Variants in SLC5A4 observed in about 807,000 individuals in gnomAD.
SLC5A4 encodes solute carrier family 5 member 4.
SLC5A4 carries 55 observed loss-of-function variants against 70.3 expected under a neutral mutation model. The observed-to-expected ratio is 0.78, with a 90% CI of 0.63 to 0.98. The LOEUF is 0.98. Ranked by LOEUF, SLC5A4 falls within the 50% of genes least tolerant of loss-of-function variation. SLC5A4 has a pLI of 0.00. For synonymous variants in SLC5A4, 268 were observed against 305.7 expected (o/e 0.88, Z 1.29); for missense variants, 735 against 839.2 (o/e 0.88, Z 1.53).
At chr22:32,242,353 A>T (rs1368811699) in intron 5 of SLC5A4, among the ~76,000 whole-genome samples, 2 of 152,206 alleles carry the variant, frequency 1.3e-5, no homozygotes, top group African/African-American at 4.8e-5. Flanking sequence ...TGATGGGATC[A>T]TGCCCCATCC....
At chr22:32,298,842 C>T in the SLC5A4 span, among the ~76,000 whole-genome samples, 2 of 113,442 alleles carry the variant, frequency 1.8e-5, no homozygotes, top group Non-Finnish European at 3.7e-5. Context: ...TCTTGTAAGG[C>T]AGGCCTGGTG....
chr22:32,291,693 C>G, the SLC5A4 span, among the ~76,000 whole-genome samples: 2 of 151,726 alleles, frequency 1.3e-5, no homozygotes, highest in Admixed American at 6.6e-5. Flanking sequence ...TCTGAATCAC[C>G]TAAGTTTTAA....
At chr22:32,269,315 T>A in the SLC5A4 span, 31 of 298,176 alleles carry the variant, frequency 1.0e-4, 1 homozygote, top group Admixed American at 1.3e-3. The surrounding 1 kb of genome is among the most constrained non-coding windows in gnomAD (Gnocchi z 4.1). Context: ...TTATATTAAA[T>A]CACCTGGAGA....
intron 3 of SLC5A4, among the ~76,000 whole-genome samples, chr22:32,250,190 G>GGCAGAATGGGACC (rs1216682641): frequency 1.3e-5 from 2 of 152,168 alleles, no homozygotes; most frequent in Non-Finnish European, 2.9e-5. Context: ...GAATGGGCCA[G>GGCAGAATGGGACC]GCAGAATGGG....
chr22:32,248,691 T>G, intron 4 of SLC5A4, 52 bp downstream of exon 4: 1 of 1,203,668 alleles, frequency 8.3e-7, no homozygotes, highest in Admixed American at 1.7e-5. Context: ...TTCTGTGCAG[T>G]GAGCAGCAGT....
the SLC5A4 span, among the ~76,000 whole-genome samples, chr22:32,347,285 A>G: frequency 3.8e-4 from 57 of 151,922 alleles, no homozygotes; most frequent in African/African-American, 1.3e-3. Flanking sequence ...ACCATTGTGG[A>G]AGTCAGTGTG....
chr22:32,318,986 G>T, the SLC5A4 span, among the ~76,000 whole-genome samples: 1 of 152,234 alleles, frequency 6.6e-6, no homozygotes, highest in East Asian at 1.9e-4. Flanking sequence ...TGACCTGGCA[G>T]ATGGAGGAAA....
At chr22:32,283,550 C>T in the SLC5A4 span, among the ~76,000 whole-genome samples, 1 of 152,176 alleles carries the variant, frequency 6.6e-6, no homozygotes, top group Admixed American at 6.5e-5. Flanking sequence ...TATAGTTCCA[C>T]CAAGGCCAAT....
chr22:32,275,670 A>G, the SLC5A4 span, among the ~76,000 whole-genome samples: 1 of 152,216 alleles, frequency 6.6e-6, no homozygotes, highest in African/African-American at 2.4e-5. Context: ...TAGTGCTGCA[A>G]TAAACATACA....
At chr22:32,297,960 G>A in the SLC5A4 span, among the ~76,000 whole-genome samples, 1 of 103,216 alleles carries the variant, frequency 9.7e-6, no homozygotes, top group Non-Finnish European at 2.0e-5. Flanking sequence ...GTAGTTGAGC[G>A]GTTTTGAGTG....
the SLC5A4 span, among the ~76,000 whole-genome samples, chr22:32,324,588 G>A: frequency 2.2e-4 from 33 of 152,188 alleles, no homozygotes; most frequent in Admixed American, 1.4e-3. Context: ...CCCCTTCAGC[G>A]CAGCTTGTCT....
the SLC5A4 span, among the ~76,000 whole-genome samples, chr22:32,304,357 T>G: frequency 3.9e-5 from 6 of 152,116 alleles, no homozygotes; most frequent in Admixed American, 2.6e-4. Context: ...GTCAGACTGG[T>G]CTCGAACTCC....
the SLC5A4 span, among the ~76,000 whole-genome samples, chr22:32,352,839 G>A: frequency 2.0e-5 from 3 of 152,178 alleles, no homozygotes; most frequent in South Asian, 2.1e-4. Flanking sequence ...CCATCCTACC[G>A]CTCTGGTGCT....
chr22:32,346,443 G>C, the SLC5A4 span, among the ~76,000 whole-genome samples: 1 of 151,906 alleles, frequency 6.6e-6, no homozygotes. Flanking sequence ...CACGCTACCT[G>C]ACTTCAAACT....
chr22:32,274,309 G>A, the SLC5A4 span, among the ~76,000 whole-genome samples: 12 of 151,972 alleles, frequency 7.9e-5, no homozygotes, highest in Non-Finnish European at 1.8e-4. Flanking sequence ...TAAAGTGCTG[G>A]GATTATAGGC....
chr22:32,246,927 G>C (rs188884652), intron 5 of SLC5A4, among the ~76,000 whole-genome samples: 2 of 152,280 alleles, frequency 1.3e-5, no homozygotes, highest in Admixed American at 1.3e-4. Context: ...CTTAGATAGA[G>C]TGAACTTAAG....
chr22:32,226,948 G>T (rs923794150), intron 11 of SLC5A4, among the ~76,000 whole-genome samples: 1 of 151,866 alleles, frequency 6.6e-6, no homozygotes, highest in African/African-American at 2.4e-5. Context: ...AGCACCATGG[G>T]GCTCACTCCC....
upstream of SLC5A4, chr22:32,255,422 T>A: frequency 7.2e-7 from 1 of 1,397,932 alleles, no homozygotes; most frequent in Non-Finnish European, 1.0e-6. Context: ...GGGCGAGATA[T>A]CAGAGCCAGC....
At chr22:32,268,994 C>G in the SLC5A4 span, among the ~76,000 whole-genome samples, 1 of 152,050 alleles carries the variant, frequency 6.6e-6, no homozygotes, top group East Asian at 1.9e-4. Flanking sequence ...CTTCTGGGTT[C>G]AAGCGATTCT....
Sources: gnomAD v4.1 joint callset for allele counts (sites outside exome capture counted in the v4.1 genomes callset) on GRCh38, gnomAD v4.1.1 for gene constraint, Gnocchi (gnomAD v3.1) non-coding constraint, MANE v1.5 for transcripts, NCBI Gene and HGNC (gene_info 2026-07-23, HGNC 2026-07-21) for gene names.